The following RPS6KC1 variants were observed in gnomAD, a reference collection of about 807,000 sequenced individuals.
RPS6KC1 encodes inactive ribosomal protein S6 kinase delta-1.
A neutral mutation model predicts 103.8 loss-of-function variants in RPS6KC1; 54 were observed. The ratio of observed to expected loss-of-function variants is 0.52; its 90% confidence interval spans 0.42 to 0.65. RPS6KC1 has a LOEUF of 0.65. Among genes scored for constraint, RPS6KC1 ranks in the 30% least tolerant of loss-of-function variants. RPS6KC1 has a pLI of 0.00. For synonymous variants in RPS6KC1, 439 were observed against 438.7 expected (o/e 1.00, Z -0.01); for missense variants, 1,151 against 1,253.8 (o/e 0.92, Z 1.24).
the RPS6KC1 span, among the ~76,000 whole-genome samples, chr1:213,853,798 G>A: frequency 6.6e-6 from 1 of 152,180 alleles, no homozygotes; most frequent in Non-Finnish European, 1.5e-5. Flanking sequence ...GCTGTGACTG[G>A]ATTCACTCCT....
At chr1:213,059,095 C>T (rs974456119) in intron 1 of RPS6KC1, among the ~76,000 whole-genome samples, 2 of 152,068 alleles carry the variant, frequency 1.3e-5, no homozygotes, top group African/African-American at 4.8e-5. Context: ...TTTGTGTTGT[C>T]TTTATATCAC....
chr1:213,590,011 A>G, the RPS6KC1 span, among the ~76,000 whole-genome samples: 5 of 151,554 alleles, frequency 3.3e-5, no homozygotes, highest in African/African-American at 9.7e-5. Flanking sequence ...GGAGAAGATA[A>G]CATTACAAAA....
rs1485933258 is a variant in RPS6KC1 at position 213,241,363 on chromosome 1, G to A, written c.1887G>A (p.Leu629=). The A allele has an allele frequency of 6.2e-7, 1 of 1,613,866 alleles. No homozygotes were observed. The highest frequency in any genetic ancestry group is 2.2e-5 in the East Asian group (1 of 44,878). ...EKLYSLKSEP[L]KPFFTLPDGD... Reference sequence around the variant, plus strand: ...TGTATAGTCTAAAATCAGAACCTTTGAAACCATTCTTTACTCTTCCAGATG... The same window carrying A: ...TGTATAGTCTAAAATCAGAACCTTTAAAACCATTCTTTACTCTTCCAGATG... Residue 629 remains leucine (L), a synonymous_variant, in exon 11 of 15, where the codon TTG becomes TTA. Coordinates refer to ENST00000366960, the MANE Select transcript of RPS6KC1 (RefSeq NM_012424.6).
chr1:213,564,741 G>A, the RPS6KC1 span, among the ~76,000 whole-genome samples: 730 of 152,214 alleles, frequency 4.8e-3, 6 homozygotes, highest in African/African-American at 0.013. Context: ...TCAGCCCAAA[G>A]GTTAGTAATT....
the RPS6KC1 span, among the ~76,000 whole-genome samples, chr1:213,420,752 G>C: frequency 6.6e-6 from 1 of 152,156 alleles, no homozygotes; most frequent in South Asian, 2.1e-4. Flanking sequence ...CCGAGACAAA[G>C]TACTATGAAC....
At chr1:213,813,915 A>G in the RPS6KC1 span, among the ~76,000 whole-genome samples, 16 of 152,218 alleles carry the variant, frequency 1.1e-4, no homozygotes, top group Non-Finnish European at 1.8e-4. Context: ...GAAGTTTTAC[A>G]TAGATTGTAT....
At chr1:213,397,089 C>T in the RPS6KC1 span, among the ~76,000 whole-genome samples, 1 of 152,060 alleles carries the variant, frequency 6.6e-6, no homozygotes. Flanking sequence ...TAAAAGTGCC[C>T]AACACATCGA....
At chr1:213,179,983 A>C (rs1160642490) in intron 8 of RPS6KC1, among the ~76,000 whole-genome samples, 1 of 152,206 alleles carries the variant, frequency 6.6e-6, no homozygotes, top group African/African-American at 2.4e-5. Flanking sequence ...TGAGGTGACA[A>C]CTCAGAAAGT....
intron 1 of RPS6KC1, among the ~76,000 whole-genome samples, chr1:213,068,871 A>ATGTGTG (rs528374829): frequency 1.2e-4 from 11 of 93,788 alleles, no homozygotes; most frequent in East Asian, 8.7e-4. Flanking sequence ...AAAAGTGTAT[A>ATGTGTG]TATGTGTGTG....
chr1:213,461,995 G>C, the RPS6KC1 span, among the ~76,000 whole-genome samples: 1 of 152,126 alleles, frequency 6.6e-6, no homozygotes, highest in Admixed American at 6.5e-5. Context: ...CCTACAGAAT[G>C]GGAGAAAAAT....
the RPS6KC1 span, among the ~76,000 whole-genome samples, chr1:213,619,632 G>T: frequency 2.0e-5 from 3 of 152,210 alleles, no homozygotes; most frequent in Admixed American, 2.0e-4. Flanking sequence ...TAATACCTAA[G>T]GTGAGACTAA....
At chr1:213,142,098 T>G (rs2087122257) in intron 6 of RPS6KC1, among the ~76,000 whole-genome samples, 2 of 152,124 alleles carry the variant, frequency 1.3e-5, no homozygotes, top group Non-Finnish European at 2.9e-5. Context: ...GTTTTCTTGT[T>G]GAATCGAACC....
chr1:213,739,070 G>A, the RPS6KC1 span, among the ~76,000 whole-genome samples: 2 of 151,988 alleles, frequency 1.3e-5, no homozygotes, highest in Non-Finnish European at 2.9e-5. Flanking sequence ...TGAACTGCAT[G>A]GGTCCACTTA....
chr1:213,851,376 A>C, the RPS6KC1 span, among the ~76,000 whole-genome samples: 1 of 151,910 alleles, frequency 6.6e-6, no homozygotes, highest in Non-Finnish European at 1.5e-5. Context: ...CTAGATTTAA[A>C]TCTCTGTATC....
At chr1:213,704,488 A>G in the RPS6KC1 span, among the ~76,000 whole-genome samples, 1 of 151,896 alleles carries the variant, frequency 6.6e-6, no homozygotes, top group Non-Finnish European at 1.5e-5. Flanking sequence ...AAGTATTTCA[A>G]TCTCTTTCCT....
the RPS6KC1 span, chr1:213,841,534 A>T: frequency 6.6e-6 from 1 of 151,874 alleles, no homozygotes; most frequent in Non-Finnish European, 1.5e-5. Context: ...AGGAAAACAC[A>T]CTCCAACATT....
At chr1:213,604,164 A>G in the RPS6KC1 span, among the ~76,000 whole-genome samples, 4 of 152,262 alleles carry the variant, frequency 2.6e-5, no homozygotes, top group Non-Finnish European at 4.4e-5. Flanking sequence ...ATATTTGGTT[A>G]TATATCCTTC....
Position 213,232,189 on chromosome 1 carries a change from A to G in RPS6KC1, c.1159A>G (p.Met387Val). ...CATCATCCCCCGCTGTGTGCCCAAC[A>G]TGGTGTGTCTGCATAAGTACATCAT... ...KTIIPRCVPN[M>V]VCLHKYIISE... The change falls in exon 10 of 15, where the codon ATG (methionine) becomes GTG (valine). Residue 387 changes from methionine to valine, a missense_variant. Physicochemically the swap from Met to Val is conservative, Grantham distance 21. Around this residue, in one of 3 missense-constraint regions of RPS6KC1, gnomAD observed 959 missense variants for 1,006.3 expected, o/e 0.95. Transcript: ENST00000366960. The G allele has an allele frequency of 6.2e-7, 1 of 1,614,032 alleles. No individual in the cohort carries two copies.
chr1:213,699,521 A>G, the RPS6KC1 span, among the ~76,000 whole-genome samples: 1 of 152,146 alleles, frequency 6.6e-6, no homozygotes, highest in Non-Finnish European at 1.5e-5. Context: ...ACAAACATGG[A>G]AGTGCAGGTA....
Sources: gnomAD v4.1 joint callset for allele counts (sites outside exome capture counted in the v4.1 genomes callset) on GRCh38, gnomAD v4.1.1 for gene constraint, gnomAD v4.1.1 regional missense constraint, MANE v1.5 for transcripts, NCBI Gene and HGNC (gene_info 2026-07-23, HGNC 2026-07-21) for gene names.